TNS3: variants seen among roughly 807,000 people sequenced by gnomAD.
TNS3 encodes tensin 3.
Under a neutral mutation model 140.9 loss-of-function variants are expected in TNS3, and 45 were observed. That is an observed-to-expected ratio of 0.32 (90% CI 0.25 to 0.41). The LOEUF is 0.41. Among genes scored for constraint, TNS3 ranks in the 10% least tolerant of loss-of-function variants. The pLI, the probability that TNS3 is intolerant of heterozygous loss-of-function variation, is 1.00. For synonymous variants in TNS3, 815 were observed against 788.4 expected, an observed-to-expected ratio of 1.03 and a Z score of -0.56; for missense variants, 1,716 against 1,906.7, an observed-to-expected ratio of 0.90 and a Z score of 1.86.
intron 16 of TNS3, among the ~76,000 whole-genome samples, chr7:47,394,272 C>T (rs111448539): frequency 9.8e-5 from 15 of 152,310 alleles, no homozygotes; most frequent in East Asian, 3.9e-4. Flanking sequence ...GGACCTTTGG[C>T]GGTGCTCAGA....
intron 16 of TNS3, among the ~76,000 whole-genome samples, chr7:47,383,923 C>G (rs1312724642): frequency 6.6e-6 from 1 of 152,130 alleles, no homozygotes; most frequent in African/African-American, 2.4e-5. Context: ...GACTGCAGGT[C>G]AGAAAGTGAC....
chr7:47,574,242 CT>C (rs570898349), intron 1 of TNS3, among the ~76,000 whole-genome samples: 11 of 149,180 alleles, frequency 7.4e-5, no homozygotes, highest in East Asian at 3.9e-4. Context: ...CCCGAAGGCT[CT>C]TTTTTTTTTA....
chr7:47,522,820 C>T lies in TNS3; in HGVS notation c.-153+6216G>A, dbSNP rs529165510. Among the ~76,000 whole-genome samples, 4 of 151,140 alleles carry T rather than the reference C, an allele frequency of 2.6e-5. No homozygotes were observed. The East Asian group carries it at 5.9e-4, about 22-fold the overall frequency. On this transcript the variant is annotated intron_variant, in intron 2 of 30. Coordinates refer to ENST00000311160, the MANE Select transcript of TNS3 (RefSeq NM_022748.12). ...GCGGGCGCCTGTAGTCCCAGCTACTCGGGAGGCTGAGGCGGGAGAATGGCG... is the reference window on the plus strand; with the variant it reads ...GCGGGCGCCTGTAGTCCCAGCTACTTGGGAGGCTGAGGCGGGAGAATGGCG...
chr7:47,532,548 T>G (rs1333620282), intron 1 of TNS3, among the ~76,000 whole-genome samples: 1 of 152,140 alleles, frequency 6.6e-6, no homozygotes, highest in Non-Finnish European at 1.5e-5. Context: ...GGGCCTCCTC[T>G]CTGCTGAGAG....
chr7:47,380,756 A>T (rs541622563), intron 16 of TNS3, among the ~76,000 whole-genome samples: 1 of 151,606 alleles, frequency 6.6e-6, no homozygotes, highest in Non-Finnish European at 1.5e-5. Context: ...ACACATACAC[A>T]TATGCACGCG....
chr7:47,543,616 C>G (rs566150371), intron 1 of TNS3, among the ~76,000 whole-genome samples: 50 of 152,344 alleles, frequency 3.3e-4, no homozygotes, highest in African/African-American at 1.1e-3. Context: ...GGAAGCAGGA[C>G]TTGAAAGCAG....
intron 25 of TNS3, 149 bp from the exon 26 acceptor site, chr7:47,293,054 G>T: frequency 1.6e-6 from 1 of 627,736 alleles, no homozygotes; most frequent in Non-Finnish European, 2.8e-6. Flanking sequence ...GCAGCTTTGT[G>T]TAAAACTTCA....
intron 10 of TNS3, among the ~76,000 whole-genome samples, chr7:47,417,663 T>C (rs145532313): frequency 3.3e-5 from 5 of 152,350 alleles, no homozygotes; most frequent in African/African-American, 1.2e-4. Flanking sequence ...TTATGCATCA[T>C]ATTTTCAGGT....
intron 20 of TNS3, among the ~76,000 whole-genome samples, chr7:47,316,927 C>G (rs1463126888): frequency 6.6e-6 from 1 of 152,146 alleles, no homozygotes; most frequent in Non-Finnish European, 1.5e-5. Flanking sequence ...CACCCCAACA[C>G]TGGAAAAGCA....
chr7:47,443,997 G>A (rs957366886), intron 4 of TNS3, among the ~76,000 whole-genome samples: 1 of 152,128 alleles, frequency 6.6e-6, no homozygotes, highest in Non-Finnish European at 1.5e-5. Context: ...TGAAGTCTCC[G>A]AAAAGGTAAG....
At chr7:47,446,670 C>T (rs1299901466) in intron 4 of TNS3, among the ~76,000 whole-genome samples, 2 of 126,294 alleles carry the variant, frequency 1.6e-5, no homozygotes, top group African/African-American at 2.9e-5. Flanking sequence ...CTGCAAAGAC[C>T]GCCCTGTTCC....
intron 4 of TNS3, among the ~76,000 whole-genome samples, chr7:47,449,667 G>A (rs575361289): frequency 6.6e-6 from 1 of 152,222 alleles, no homozygotes; most frequent in African/African-American, 2.4e-5. Context: ...GAGTGCAGTG[G>A]GGTGATCTTG....
intron 5 of TNS3, among the ~76,000 whole-genome samples, chr7:47,440,719 A>C (rs900662372): frequency 6.6e-6 from 1 of 152,148 alleles, no homozygotes; most frequent in African/African-American, 2.4e-5. Flanking sequence ...AAAAGGTTCC[A>C]GGGAGAGGGG....
intron 1 of TNS3, among the ~76,000 whole-genome samples, chr7:47,571,664 T>C (rs1800561804): frequency 6.6e-6 from 1 of 152,246 alleles, no homozygotes. Flanking sequence ...CCAGCTCATC[T>C]TGGCATTGAA....
chr7:47,575,426 TTTTTCC>T (rs1800652178), intron 1 of TNS3, among the ~76,000 whole-genome samples: 1 of 152,234 alleles, frequency 6.6e-6, no homozygotes, highest in Admixed American at 6.5e-5. Flanking sequence ...AATTTTTTCC[TTTTTCC>T]TTAGCATTTC....
intron 1 of TNS3, among the ~76,000 whole-genome samples, chr7:47,530,823 C>CAAAAAAAAAAAAAAA (rs781707373): frequency 2.0e-4 from 9 of 45,006 alleles, no homozygotes; most frequent in Admixed American, 3.6e-4. Flanking sequence ...AACTCCATCT[C>CAAAAAAAAAAAAAAA]AAAAAAAAAA....
At chr7:47,302,795 G>A (rs533127641) in intron 22 of TNS3, among the ~76,000 whole-genome samples, 155 bp downstream of exon 22, 20 of 152,206 alleles carry the variant, frequency 1.3e-4, no homozygotes, top group Non-Finnish European at 2.2e-4. Context: ...GGTTTTGGAC[G>A]AGGAAAATGG....
At chr7:47,400,627 T>C (rs1039162731) in intron 14 of TNS3, among the ~76,000 whole-genome samples, 158 bp downstream of exon 14, 15 of 152,216 alleles carry the variant, frequency 9.9e-5, no homozygotes, top group Admixed American at 2.0e-4. Flanking sequence ...CATAATTTTT[T>C]TCCCCCAGGG....
chr7:47,539,277 G>T, intron 1 of TNS3: 1 of 371,870 alleles, frequency 2.7e-6, no homozygotes, highest in Non-Finnish European at 5.4e-6. Context: ...GCTTTTTATT[G>T]CAGGGATACC....
Sources: allele counts gnomAD v4.1 joint callset (sites outside exome capture counted in the v4.1 genomes callset), GRCh38; gene constraint gnomAD v4.1.1; transcripts MANE v1.5; gene names NCBI Gene and HGNC (gene_info 2026-07-23, HGNC 2026-07-21).